The following TMOD2 variants were observed in gnomAD, a reference collection of about 807,000 sequenced individuals.
TMOD2 encodes tropomodulin-2.
In TMOD2, 22 loss-of-function variants were observed where a neutral mutation model predicts 39.9. The observed-to-expected ratio is 0.55, with a 90% CI of 0.39 to 0.79. The LOEUF is 0.79. TMOD2 is among the 30% of genes least tolerant of loss of function. TMOD2 has a pLI of 0.00. For synonymous variants in TMOD2, 123 were observed against 146.1 expected (o/e 0.84, Z 1.14); for missense variants, 386 against 413.3 (o/e 0.93, Z 0.57).
At chr15:51,770,532 C>G (rs1256664229) in intron 3 of TMOD2, among the ~76,000 whole-genome samples, 1 of 152,134 alleles carries the variant, frequency 6.6e-6, no homozygotes, top group East Asian at 1.9e-4. Flanking sequence ...CAGGAGCATC[C>G]AGCTCCTAGT....
rs34790068 is a variant in TMOD2 at position 51,778,643 on chromosome 15, C to CTTTT, written c.493+1648_493+1651dup. Among the ~76,000 whole-genome samples the CTTTT allele has an allele frequency of 1.3e-3, 89 of 68,374 alleles. 1 individual carries two copies. The highest frequency in any genetic ancestry group is 1.5e-3 in the Non-Finnish European group (57 of 37,424). 44.9% of individuals were successfully genotyped at this position (68,374 alleles called of 152,430 possible). ...TTTGAAAACTCATAGAAAATTACAG[C>CTTTT]TTTTTTTTTTTTTTTTTTTTTTTTT... On this transcript the variant is annotated intron_variant, in intron 5 of 9. Transcript: ENST00000249700.
At chr15:51,769,743 A>G (rs3794529) in intron 3 of TMOD2, among the ~76,000 whole-genome samples, 5,111 of 152,244 alleles carry the variant, frequency 0.034, 141 homozygotes, top group Non-Finnish European at 0.05. Flanking sequence ...AATACAAATC[A>G]GATCATGTCG....
chr15:51,767,928 C>T (rs1157217873), intron 2 of TMOD2, among the ~76,000 whole-genome samples: 1 of 152,226 alleles, frequency 6.6e-6, no homozygotes, highest in Non-Finnish European at 1.5e-5. Context: ...TGCCTGGGAG[C>T]ACCTTGGGTG....
Position 51,763,341 on chromosome 15 carries a change from A to G in TMOD2, c.-69-3032A>G, listed in dbSNP as rs117578259. ...TATACATGGATTTTTAAAATCATAT[A>G]TCTCTCCTGTGCATACATTAAAAGG... On this transcript the variant is annotated intron_variant, in intron 1 of 9. Coordinates refer to ENST00000249700, the MANE Select transcript of TMOD2 (RefSeq NM_014548.4). 3.9e-4 allele frequency among the ~76,000 whole-genome samples: 59 copies of G among 152,352 alleles called. 3 individuals carry two copies. In the East Asian group the frequency reaches 0.011, roughly 29 times the overall value.
intron 2 of TMOD2, among the ~76,000 whole-genome samples, chr15:51,767,409 A>G (rs2055823391): frequency 6.6e-6 from 1 of 152,224 alleles, no homozygotes. Flanking sequence ...AACAAAGAAT[A>G]GATTAGACTG....
intron 1 of TMOD2, among the ~76,000 whole-genome samples, chr15:51,758,199 T>C (rs1268695892): frequency 6.6e-6 from 1 of 152,150 alleles, no homozygotes; most frequent in African/African-American, 2.4e-5. Flanking sequence ...CCTGGTACAT[T>C]GACACAACAT....
At chr15:51,754,430 T>A (rs574074923) in intron 1 of TMOD2, among the ~76,000 whole-genome samples, 1 of 152,326 alleles carries the variant, frequency 6.6e-6, no homozygotes, top group Non-Finnish European at 1.5e-5. Flanking sequence ...TCAAAGAGGT[T>A]CATAGAAGGC....
At chr15:51,774,344 AAAAGT>A (rs1187826119) in intron 4 of TMOD2, among the ~76,000 whole-genome samples, 1 of 152,202 alleles carries the variant, frequency 6.6e-6, no homozygotes, top group Non-Finnish European at 1.5e-5. Flanking sequence ...ATGTGTAATG[AAAAGT>A]AAGTCTCTCG....
intron 7 of TMOD2, among the ~76,000 whole-genome samples, chr15:51,787,184 C>T (rs917627684): frequency 6.6e-6 from 1 of 152,250 alleles, no homozygotes; most frequent in African/African-American, 2.4e-5. Flanking sequence ...CCTCCTGTGC[C>T]TGGCTTGGCA....
chr15:51,786,768 T>A (rs2055973077), intron 7 of TMOD2, among the ~76,000 whole-genome samples: 1 of 152,198 alleles, frequency 6.6e-6, no homozygotes, highest in African/African-American at 2.4e-5. Flanking sequence ...CCAAATATAT[T>A]TAAAATGCTA....
At chr15:51,806,613 C>A in intron 9 of TMOD2, 92 bp downstream of exon 9, 3 of 1,435,514 alleles carry the variant, frequency 2.1e-6, no homozygotes, top group Non-Finnish European at 2.9e-6. Context: ...GATACCATTC[C>A]ACTGGCCTCT....
rs377424114 is a variant in TMOD2, at chr15:51,786,403, T to C, written c.732+3575T>C. ...GATGACATTTGTGGACCTCAAACCTTATTCTGCTTTCATGTTATAAATTAT... is the reference window on the plus strand; with the variant it reads ...GATGACATTTGTGGACCTCAAACCTCATTCTGCTTTCATGTTATAAATTAT... On this transcript the variant is annotated intron_variant, in intron 7 of 9. Transcript: ENST00000249700. 2.6e-5 allele frequency among the ~76,000 whole-genome samples: 4 copies of C among 152,336 alleles called. No homozygotes were observed. The East Asian group carries it at 5.8e-4, about 22-fold the overall frequency.
At chr15:51,791,173 C>T (rs1331383585) in intron 7 of TMOD2, among the ~76,000 whole-genome samples, 2 of 152,156 alleles carry the variant, frequency 1.3e-5, no homozygotes, top group Admixed American at 6.5e-5. Context: ...GATATAAAAT[C>T]AATGTGCAAA....
At chr15:51,798,372 C>T in intron 8 of TMOD2, 32 bp downstream of exon 8, 1 of 1,611,782 alleles carries the variant, frequency 6.2e-7, no homozygotes, top group Non-Finnish European at 8.5e-7. Flanking sequence ...GCAAAGTCAA[C>T]TCACAGGGTG....
chr15:51,783,503 G>A (rs777259182), intron 7 of TMOD2: 2 of 151,682 alleles, frequency 1.3e-5, no homozygotes, highest in South Asian at 2.1e-4. Flanking sequence ...AAAAATTAAA[G>A]TATATTTTAA....
chr15:51,757,451 G>A (rs2055750254), intron 1 of TMOD2, among the ~76,000 whole-genome samples: 1 of 149,930 alleles, frequency 6.7e-6, no homozygotes, highest in Non-Finnish European at 1.5e-5. Context: ...TCCTTCCCAA[G>A]GCTTGTATAT....
intron 8 of TMOD2, among the ~76,000 whole-genome samples, chr15:51,805,809 A>G (rs1455689042): frequency 2.0e-5 from 3 of 152,216 alleles, no homozygotes; most frequent in Non-Finnish European, 4.4e-5. Flanking sequence ...ATTTTATAAA[A>G]AAGAAGAAAA....
chr15:51,790,727 C>T (rs1428054779), intron 7 of TMOD2, among the ~76,000 whole-genome samples: 1 of 152,228 alleles, frequency 6.6e-6, no homozygotes, highest in African/African-American at 2.4e-5. Context: ...CATAATCCAT[C>T]ACATAAACAA....
At chr15:51,799,974 A>C (rs1046579859) in intron 8 of TMOD2, among the ~76,000 whole-genome samples, 2 of 152,214 alleles carry the variant, frequency 1.3e-5, no homozygotes, top group African/African-American at 4.8e-5. Flanking sequence ...AGTTCCTTAC[A>C]AGATACCACC....
Sources: gnomAD v4.1 joint callset for allele counts (sites outside exome capture counted in the v4.1 genomes callset) on GRCh38, gnomAD v4.1.1 for gene constraint, MANE v1.5 for transcripts, NCBI Gene and HGNC (gene_info 2026-07-23, HGNC 2026-07-21) for gene names.